Variants in PPP2R5A observed in about 807,000 individuals in gnomAD.
PPP2R5A encodes the protein protein phosphatase 2 regulatory subunit B'alpha.
Under a neutral mutation model 64.2 loss-of-function variants are expected in PPP2R5A, and 25 were observed. The observed-to-expected ratio is 0.39, with a 90% CI of 0.28 to 0.54. The LOEUF (loss-of-function observed/expected upper bound fraction) is 0.54, where lower values mean the gene tolerates loss of function less well. PPP2R5A is among the 20% of genes least tolerant of loss of function. The pLI is 0.67. For synonymous variants in PPP2R5A, 198 were observed against 201.2 expected (o/e 0.98, Z 0.13); for missense variants, 425 against 576.3 (o/e 0.74, Z 2.69).
At position 212,297,949 on chromosome 1, in the gene PPP2R5A, G is replaced by C. The variant is rs1317560592; in HGVS notation, c.181+11658G>C. ...TGAACAAAGGTCTCTGGTTTTCCTA[G>C]GCAGAGGACCCTGCGGCCTTCCGCA... On this transcript the variant is annotated intron_variant, in intron 1 of 12. Coordinates refer to ENST00000261461, the MANE Select transcript of PPP2R5A (RefSeq NM_006243.4). 1.5e-4 allele frequency: 6 copies of C among 40,644 alleles called. 2 individuals are homozygous for C. Among genetic ancestry groups the C allele is most frequent in the African/African-American group, 5.8e-4 (2 of 3,458 alleles). 2.5% of individuals were successfully genotyped at this position (40,644 alleles called of 1,614,324 possible). A position where few individuals can be genotyped will look rare whatever the true frequency, so the allele number is the denominator to read the frequency against.
intron 1 of PPP2R5A, among the ~76,000 whole-genome samples, chr1:212,310,235 T>C (rs563483195): frequency 6.6e-6 from 1 of 152,228 alleles, no homozygotes; most frequent in African/African-American, 2.4e-5. Flanking sequence ...GAAGGAATAG[T>C]TCCCAAGGTC....
At chr1:212,348,311 A>G (rs1659819134) in intron 6 of PPP2R5A, 78 bp from the exon 7 acceptor site, 2 of 867,766 alleles carry the variant, frequency 2.3e-6, no homozygotes, top group Non-Finnish European at 3.9e-6. Context: ...ACTGTTCCTT[A>G]TGTACTCATG....
At chr1:212,354,867 G>A (rs996183700) in intron 8 of PPP2R5A, among the ~76,000 whole-genome samples, 17 of 152,096 alleles carry the variant, frequency 1.1e-4, no homozygotes, top group African/African-American at 2.9e-4. Flanking sequence ...CAGTGCCTAC[G>A]GTATTCAGTA....
In PPP2R5A at chr1:212,314,394, T is replaced by G. The variant is rs188415627; in HGVS notation, c.182-14741T>G. 1.8e-3 allele frequency among the ~76,000 whole-genome samples: 276 copies of G among 152,130 alleles called. 1 individual carries two copies. The highest frequency in any genetic ancestry group is 3.4e-3 in the Middle Eastern group (1 of 294). On this transcript the variant is annotated intron_variant, in intron 1 of 12. Coordinates refer to ENST00000261461, the MANE Select transcript of PPP2R5A (RefSeq NM_006243.4). ...GTAGTTTTTTTTTGTTGTTGTTGTT[T>G]TTTTAAGATGGGTTCTTAAAAAACC...
intron 12 of PPP2R5A, 60 bp from the exon 13 acceptor site, chr1:212,360,578 A>G (rs2102452914): frequency 7.2e-7 from 1 of 1,390,204 alleles, no homozygotes; most frequent in South Asian, 1.5e-5. Flanking sequence ...GCTGTCAAAC[A>G]GCACCTCTCT....
intron 1 of PPP2R5A, chr1:212,309,097 G>A: frequency 1.1e-6 from 1 of 891,008 alleles, no homozygotes; most frequent in Non-Finnish European, 1.9e-6. Context: ...GTAATCAGGA[G>A]CCAGTCAAAC....
chr1:212,360,529 T>G, intron 12 of PPP2R5A, 109 bp from the exon 13 acceptor site: 1 of 972,474 alleles, frequency 1.0e-6, no homozygotes, highest in Non-Finnish European at 1.5e-6. Flanking sequence ...AGCAGAGGGA[T>G]TTAAGTGAAA....
intron 3 of PPP2R5A, among the ~76,000 whole-genome samples, chr1:212,335,746 G>A (rs942748031): frequency 2.0e-5 from 3 of 152,098 alleles, no homozygotes; most frequent in Non-Finnish European, 4.4e-5. Flanking sequence ...CTGAAATTTT[G>A]TTCCATAGTT....
chr1:212,330,446 G>C (rs1659483132), intron 2 of PPP2R5A, among the ~76,000 whole-genome samples: 1 of 152,010 alleles, frequency 6.6e-6, no homozygotes, highest in African/African-American at 2.4e-5. Flanking sequence ...CTACTCAGGA[G>C]GCTGAGGTGA....
At position 212,290,399 on chromosome 1, in the gene PPP2R5A, G is replaced by A. The variant is rs945780204; in HGVS notation, c.181+4108G>A. ...ATTCCATCTAAACACAGTTGGGATG[G>A]CACTAGAGGAGAGTTCAAATTCATC... is the stretch of plus-strand genomic sequence containing the variant. On this transcript the variant is annotated intron_variant, in intron 1 of 12. Transcript: ENST00000261461. Among the ~76,000 whole-genome samples the A allele has an allele frequency of 5.9e-5, 9 of 152,286 alleles. No homozygotes were observed. In the East Asian group the frequency reaches 1.7e-3, roughly 29 times the overall value.
chr1:212,293,604 GATTTT>G (rs1658641469), intron 1 of PPP2R5A, among the ~76,000 whole-genome samples: 1 of 152,136 alleles, frequency 6.6e-6, no homozygotes. Flanking sequence ...TTACCTGAAG[GATTTT>G]ATTTATGTGG....
At chr1:212,300,338 A>T (rs1057247835) in intron 1 of PPP2R5A, among the ~76,000 whole-genome samples, 7 of 152,240 alleles carry the variant, frequency 4.6e-5, no homozygotes, top group Admixed American at 6.5e-5. Flanking sequence ...TTATAATACA[A>T]TACTTGCTGT....
intron 7 of PPP2R5A, 129 bp downstream of exon 7, chr1:212,348,626 A>C: frequency 1.5e-6 from 1 of 677,728 alleles, no homozygotes; most frequent in Non-Finnish European, 2.4e-6. Context: ...AAATTACCCA[A>C]AGCAAATTTT....
chr1:212,306,792 C>T (rs1026799874), intron 1 of PPP2R5A: 7 of 151,126 alleles, frequency 4.6e-5, no homozygotes, highest in Non-Finnish European at 8.8e-5. Flanking sequence ...GAATCTTCCT[C>T]GGTCACCCAG....
chr1:212,354,176 T>A (rs1418623812), intron 8 of PPP2R5A, among the ~76,000 whole-genome samples: 1 of 151,824 alleles, frequency 6.6e-6, no homozygotes, highest in Non-Finnish European at 1.5e-5. Context: ...AGAGCGAGAC[T>A]CTGTCTCAAA....
At chr1:212,316,307 GA>G in intron 1 of PPP2R5A, among the ~76,000 whole-genome samples, 1 of 152,204 alleles carries the variant, frequency 6.6e-6, no homozygotes, top group East Asian at 1.9e-4. Flanking sequence ...CTACTCCAGT[GA>G]CCGCATGAAT....
At chr1:212,313,153 G>C (rs1233955974) in intron 1 of PPP2R5A, among the ~76,000 whole-genome samples, 2 of 152,198 alleles carry the variant, frequency 1.3e-5, no homozygotes, top group Non-Finnish European at 2.9e-5. Context: ...AGCCCTAGCA[G>C]ATAGGGAGCT....
chr1:212,339,079 A>T (rs1659640705), intron 3 of PPP2R5A, among the ~76,000 whole-genome samples: 1 of 152,252 alleles, frequency 6.6e-6, no homozygotes, highest in Non-Finnish European at 1.5e-5. Flanking sequence ...GATAAATTTT[A>T]TAGAAGCATA....
At chr1:212,288,032 T>C (rs935578499) in intron 1 of PPP2R5A, among the ~76,000 whole-genome samples, 1 of 152,220 alleles carries the variant, frequency 6.6e-6, no homozygotes, top group Non-Finnish European at 1.5e-5. Context: ...TTTATTTATT[T>C]TATTTTATTT....
Sources: gnomAD v4.1 joint callset for allele counts (sites outside exome capture counted in the v4.1 genomes callset) on GRCh38, gnomAD v4.1.1 for gene constraint, MANE v1.5 for transcripts, NCBI Gene and HGNC (gene_info 2026-07-23, HGNC 2026-07-21) for gene names.